Variants in TMEM50B observed in about 807,000 individuals in gnomAD.
TMEM50B encodes transmembrane protein 50B.
Under a neutral mutation model 23.4 loss-of-function variants are expected in TMEM50B, and 14 were observed. The observed-to-expected ratio is 0.60, with a 90% CI of 0.39 to 0.93. The LOEUF is 0.93. Among genes scored for constraint, TMEM50B ranks in the 40% least tolerant of loss-of-function variants. The pLI is 0.00. For synonymous variants in TMEM50B, 64 were observed against 62.3 expected (o/e 1.03, Z -0.13); for missense variants, 159 against 193.0 (o/e 0.82, Z 1.04).
At chr21:33,453,999 G>A (rs2084146043) in intron 6 of TMEM50B, among the ~76,000 whole-genome samples, 1 of 150,852 alleles carries the variant, frequency 6.6e-6, no homozygotes, top group Non-Finnish European at 1.5e-5. Context: ...AGCTACTTGG[G>A]AGGCTGAGGC....
intron 5 of TMEM50B, among the ~76,000 whole-genome samples, chr21:33,459,338 C>T (rs1450896210): frequency 6.6e-6 from 1 of 152,022 alleles, no homozygotes; most frequent in Non-Finnish European, 1.5e-5. Context: ...TCAGTCTTGC[C>T]CTTAAAAAAC....
At chr21:33,437,205 T>G in intron 8 of TMEM50B, 4 of 501,838 alleles carry the variant, frequency 8.0e-6, no homozygotes, top group South Asian at 2.2e-5. Flanking sequence ...AAATTAAGGC[T>G]TCTCTTAAAC....
chr21:33,448,094 G>A (rs2084082262), downstream of TMEM50B, among the ~76,000 whole-genome samples: 1 of 152,124 alleles, frequency 6.6e-6, no homozygotes, highest in Admixed American at 6.6e-5. Flanking sequence ...CCGGGTTCAA[G>A]CAATTCTCCC....
intron 7 of TMEM50B, among the ~76,000 whole-genome samples, chr21:33,441,486 A>G (rs2084008479): frequency 6.6e-6 from 1 of 152,206 alleles, no homozygotes; most frequent in South Asian, 2.1e-4. Context: ...ATCCTTGGCT[A>G]TAAGGATCAA....
chr21:33,454,713 T>C (rs191683010), intron 6 of TMEM50B, among the ~76,000 whole-genome samples: 52 of 152,180 alleles, frequency 3.4e-4, no homozygotes, highest in African/African-American at 1.2e-3. Context: ...ATGGGTCTGA[T>C]AGGGTTTTTT....
At chr21:33,441,964 T>A (rs1335342424) in intron 7 of TMEM50B, among the ~76,000 whole-genome samples, 1 of 152,164 alleles carries the variant, frequency 6.6e-6, no homozygotes, top group Non-Finnish European at 1.5e-5. Context: ...CATTTTTGCA[T>A]GAGAATCCTT....
At position 33,467,133 on chromosome 21, in the gene TMEM50B, A is replaced by G; in HGVS notation, c.100-11T>C. On this transcript the variant is annotated splice_polypyrimidine_tract_variant and intron_variant, in intron 2 of 6. Coordinates refer to ENST00000542230, the MANE Select transcript of TMEM50B (RefSeq NM_006134.7). ...CCAGCCTGTAAAAAACTTAAAACAC[A>G]GCCCAAGTCACTGAAACATTAAAAC... is the stretch of plus-strand genomic sequence containing the variant. 6.2e-7 allele frequency: 1 copy of G among 1,605,310 alleles called. No homozygotes were observed. Among genetic ancestry groups the G allele is most frequent in the Non-Finnish European group, 8.5e-7 (1 of 1,172,438 alleles).
intron 8 of TMEM50B, among the ~76,000 whole-genome samples, chr21:33,436,614 T>C (rs1302250731): frequency 6.6e-6 from 1 of 151,608 alleles, no homozygotes; most frequent in Non-Finnish European, 1.5e-5. Flanking sequence ...CCCAGCTACT[T>C]GGAGGATTGA....
At chr21:33,433,577 G>A (rs1022509650) in intron 8 of TMEM50B, among the ~76,000 whole-genome samples, 6 of 152,104 alleles carry the variant, frequency 3.9e-5, no homozygotes, top group African/African-American at 7.2e-5. Flanking sequence ...CATAAAGACA[G>A]GAAGTAGAAT....
chr21:33,473,395 G>A (rs2084335860), intron 1 of TMEM50B, among the ~76,000 whole-genome samples: 1 of 148,950 alleles, frequency 6.7e-6, no homozygotes, highest in African/African-American at 2.5e-5. Context: ...GGAGGTTGCA[G>A]TGAGCTGAGA....
Position 33,450,861 on chromosome 21 carries a change from G to A in TMEM50B, c.434C>T (p.Thr145Ile), listed in dbSNP as rs772567934. ...FFQNALIFFS[T>I]LIYKFGRTEE... ...GGTTCTTCCAAATTTGTAGATCAGA[G>A]TGCTAGAAAGATAGGAAAACAAATC... The change falls in exon 7 of 7, where the codon ACT (threonine) becomes ATT (isoleucine). Residue 145 changes from threonine to isoleucine, a missense_variant and splice_region_variant. Physicochemically the swap from Thr to Ile is moderately conservative, Grantham distance 89. Coordinates refer to ENST00000542230, the MANE Select transcript of TMEM50B (RefSeq NM_006134.7). 1.9e-6 allele frequency: 3 copies of A among 1,612,692 alleles called. No individual in the cohort carries two copies. Among genetic ancestry groups the A allele is most frequent in the East Asian group, 2.2e-5 (1 of 44,808 alleles).
intron 7 of TMEM50B, among the ~76,000 whole-genome samples, chr21:33,443,388 G>A (rs1328602383): frequency 6.6e-6 from 1 of 150,996 alleles, no homozygotes; most frequent in Non-Finnish European, 1.5e-5. Context: ...CAGTAGTCGG[G>A]GCTGTGGGTA....
chr21:33,460,496 A>C lies in TMEM50B; in HGVS notation c.290T>G (p.Val97Gly), dbSNP rs773865432. 2.0e-5 allele frequency: 32 copies of C among 1,608,274 alleles called. No homozygotes were observed. Among genetic ancestry groups the C allele is most frequent in the Non-Finnish European group, 2.6e-5 (31 of 1,177,396 alleles). ...SGCLGRTGAR[V>G]WLFIGFMLMF... The stretch of plus-strand genomic sequence containing the variant: ...CAACATGAAACCAATGAAAAGCCAA[A>C]CTCGAGCACCTGTGTAGAGAAGAGG... The change falls in exon 5 of 7, where the codon GTT becomes GGT. Residue 97 changes from valine (V) to glycine (G), a missense_variant. By Grantham distance (109) the Val-to-Gly change is moderately radical. Transcript: ENST00000542230.
At chr21:33,477,616 G>T (rs1019969387) in intron 1 of TMEM50B, among the ~76,000 whole-genome samples, 2 of 115,884 alleles carry the variant, frequency 1.7e-5, no homozygotes, top group African/African-American at 3.5e-5. Context: ...GCGGGGGGGG[G>T]TTACCTGAGG....
Position 33,449,787 on chromosome 21 carries a change from T to C in TMEM50B, c.*1031A>G, listed in dbSNP as rs749911914. Reference sequence around the variant, plus strand: ...GCGATTGTCTCAAACTTGCTTGCTATTGAATTGTGTAACATCAGATAATGG... The same window carrying C: ...GCGATTGTCTCAAACTTGCTTGCTACTGAATTGTGTAACATCAGATAATGG... On this transcript the variant is annotated 3_prime_UTR_variant, in exon 7 of 7. Transcript: ENST00000542230. 6.6e-5 allele frequency: 10 copies of C among 152,656 alleles called. No homozygotes were observed. The highest frequency in any genetic ancestry group is 7.3e-5 in the Non-Finnish European group (5 of 68,034). 9.5% of individuals were successfully genotyped at this position (152,656 alleles called of 1,614,324 possible).
chr21:33,465,290 G>C, intron 4 of TMEM50B, 52 bp downstream of exon 4: 1 of 1,390,330 alleles, frequency 7.2e-7, no homozygotes, highest in South Asian at 1.2e-5. Flanking sequence ...TTTTTTTCTG[G>C]TGACAAATTT....
intron 4 of TMEM50B, among the ~76,000 whole-genome samples, chr21:33,463,744 C>A (rs563009631): frequency 6.6e-6 from 1 of 152,086 alleles, no homozygotes; most frequent in Non-Finnish European, 1.5e-5. Flanking sequence ...GTGGTAAAAC[C>A]CTGTCTCTAC....
rs2084107555 is a variant in TMEM50B, at chr21:33,450,350, A to AC, written c.*467dup. Reference sequence around the variant, plus strand: ...GTAGTTGGGATTACAGGCACCCACCACCATGCCTGGCTAATTTTTGTATTT... The same window carrying AC: ...GTAGTTGGGATTACAGGCACCCACCACCCATGCCTGGCTAATTTTTGTATTT... On this transcript the variant is annotated 3_prime_UTR_variant, in exon 7 of 7. Coordinates refer to ENST00000542230, the MANE Select transcript of TMEM50B (RefSeq NM_006134.7). The AC allele has an allele frequency of 6.6e-6, 1 of 152,588 alleles. No individual in the cohort carries two copies. Among genetic ancestry groups the AC allele is most frequent in the South Asian group, 2.1e-4 (1 of 4,832 alleles). The allele number at this position is 152,588 out of a possible 1,614,324, so 9.5% of individuals were successfully genotyped here. A position where few individuals can be genotyped will look rare whatever the true frequency, so the allele number is the denominator to read the frequency against.
intron 4 of TMEM50B, among the ~76,000 whole-genome samples, chr21:33,464,818 AAAAAAAC>A (rs1311014130): frequency 6.6e-6 from 1 of 150,864 alleles, no homozygotes; most frequent in African/African-American, 2.4e-5. Flanking sequence ...AAAAAAAAAA[AAAAAAAC>A]AAAAATTGGA....
Sources: gnomAD v4.1 joint callset for allele counts (sites outside exome capture counted in the v4.1 genomes callset) on GRCh38, gnomAD v4.1.1 for gene constraint, MANE v1.5 for transcripts, NCBI Gene and HGNC (gene_info 2026-07-23, HGNC 2026-07-21) for gene names.